TRIM4: variants seen among roughly 807,000 people sequenced by gnomAD.
TRIM4 encodes the protein E3 ubiquitin-protein ligase TRIM4.
TRIM4 carries 29 observed loss-of-function variants against 33.7 expected under a neutral mutation model. The observed-to-expected ratio is 0.86, with a 90% CI of 0.64 to 1.17. The LOEUF (loss-of-function observed/expected upper bound fraction) is 1.17. Ranked by LOEUF, TRIM4 falls within the 50% of genes most tolerant of loss-of-function variation. The pLI, the probability that TRIM4 is intolerant of heterozygous loss-of-function variation, is 0.00. For synonymous variants in TRIM4, 224 were observed against 233.0 expected, an observed-to-expected ratio of 0.96 and a Z score of 0.35; for missense variants, 554 against 593.7, an observed-to-expected ratio of 0.93 and a Z score of 0.69.
At chr7:99,911,771 C>A (rs1158603685) in intron 1 of TRIM4, among the ~76,000 whole-genome samples, 1 of 152,162 alleles carries the variant, frequency 6.6e-6, no homozygotes, top group Non-Finnish European at 1.5e-5. Context: ...TCCTAGGGTA[C>A]AGCAATTCTA....
intron 1 of TRIM4, among the ~76,000 whole-genome samples, chr7:99,912,472 G>T (rs1819467115): frequency 6.6e-6 from 1 of 150,560 alleles, no homozygotes; most frequent in South Asian, 2.1e-4. Context: ...AAAGGTTTCA[G>T]TGAGCCGAGA....
chr7:99,908,227 AAC>A (rs1399003304), intron 3 of TRIM4: 3 of 179,456 alleles, frequency 1.7e-5, no homozygotes, highest in African/African-American at 7.1e-5. Flanking sequence ...AATTGTTGAT[AAC>A]AGTTATGTAC....
rs541632671 is a variant in TRIM4 at position 99,903,708 on chromosome 7, T to G, written c.721-110A>C. 521 of 1,227,700 alleles carry G rather than the reference T, an allele frequency of 4.2e-4. 2 individuals carry two copies. Among genetic ancestry groups the G allele is most frequent in the Non-Finnish European group, 5.6e-4 (470 of 841,324 alleles). 76.1% of individuals were successfully genotyped at this position (1,227,700 alleles called of 1,614,324 possible). A position where few individuals can be genotyped will look rare whatever the true frequency, so the allele number is the denominator to read the frequency against. On this transcript the variant is annotated intron_variant, in intron 3 of 5. Transcript: ENST00000349062. ...CGGTTGCATTTGCTCATGTCACATA[T>G]GATCTCCTGCTGCCAAAGCCAACAG...
intron 5 of TRIM4, among the ~76,000 whole-genome samples, chr7:99,899,130 C>T (rs1270790370): frequency 6.6e-6 from 1 of 152,134 alleles, no homozygotes; most frequent in East Asian, 1.9e-4. Flanking sequence ...GAGAATAACC[C>T]TATGGTCTAA....
At position 99,919,080 on chromosome 7, in the gene TRIM4, C is replaced by T; in HGVS notation, c.322G>A (p.Val108Met). 6.4e-7 allele frequency: 1 copy of T among 1,556,154 alleles called. No individual in the cohort carries two copies. The highest frequency in any genetic ancestry group is 8.7e-7 in the Non-Finnish European group (1 of 1,152,728). ...TGGTGCTCCTGGGACTCCCTGCACA[C>T]CAGGCACACTGGCCGCTGGTCGTCC... ...CEDDQRPVCLVCRESQEHQTH... is the reference protein window; with the variant it reads ...CEDDQRPVCLMCRESQEHQTH... Residue 108 changes from valine to methionine, a missense_variant, in exon 1 of 6, where the codon GTG (valine) becomes ATG (methionine). Val to Met is a conservative substitution (Grantham distance 21). This residue lies in a region of TRIM4 where 233 missense variants were observed against 203.1 expected (regional missense o/e 1.15). Transcript: ENST00000349062.
At chr7:99,915,310 T>C (rs892267323) in intron 1 of TRIM4, among the ~76,000 whole-genome samples, 2 of 152,200 alleles carry the variant, frequency 1.3e-5, no homozygotes, top group Non-Finnish European at 2.9e-5. Flanking sequence ...ACAAAGCCAG[T>C]GCTCAATAAA....
In TRIM4 at chr7:99,903,188, G is replaced by A. The variant is rs1255310972; in HGVS notation, c.841+30C>T. The A allele has an allele frequency of 2.0e-6, 3 of 1,528,618 alleles. No individual in the cohort carries two copies. In the Admixed American group the frequency reaches 5.5e-5, roughly 28 times the overall value. The allele number at this position is 1,528,618 out of a possible 1,614,324, so 94.7% of individuals were successfully genotyped here. On this transcript the variant is annotated intron_variant, in intron 5 of 5. Transcript: ENST00000349062. ...ATTCTCCTATTTGAAAGATTTCTAA[G>A]GAGCCCCAAGTCCTAGAAATTCTGC...
chr7:99,903,700 G>C (rs112509575), intron 3 of TRIM4, 102 bp from the exon 4 acceptor site: 17 of 1,317,566 alleles, frequency 1.3e-5, no homozygotes, highest in African/African-American at 2.9e-5. Context: ...ATTTGCTCAT[G>C]TCACATATGA....
intron 4 of TRIM4, 101 bp from the exon 5 acceptor site, chr7:99,903,416 T>G (rs1563085524): frequency 7.5e-7 from 1 of 1,337,064 alleles, no homozygotes; most frequent in Non-Finnish European, 1.1e-6. Flanking sequence ...TGGCTTCTGT[T>G]CCCATTCCTC....
At chr7:99,904,875 T>C (rs959614082) in intron 3 of TRIM4, among the ~76,000 whole-genome samples, 7 of 151,716 alleles carry the variant, frequency 4.6e-5, no homozygotes, top group African/African-American at 1.7e-4. Flanking sequence ...CTACTAAAAC[T>C]ACAAAAATTA....
chr7:99,903,538 TG>T, intron 4 of TRIM4, 37 bp downstream of exon 4: 1 of 1,613,888 alleles, frequency 6.2e-7, no homozygotes, highest in South Asian at 1.1e-5. Context: ...ATCTTTACCA[TG>T]CCACCCAGGT....
rs754985807 is a variant in TRIM4 at position 99,908,762 on chromosome 7, C to A, written c.540G>T (p.Leu180=). Residue 180 remains leucine (L), a synonymous_variant, in exon 3 of 6, where the codon CTG becomes CTT. Coordinates refer to ENST00000349062, the MANE Select transcript of TRIM4 (RefSeq NM_033091.3). The part of the protein sequence containing the change: ...RMRISTEFSK[L]HNFLVEEEDL... ...CCTCTTCTTCAACCAGGAAGTTGTG[C>A]AGCTTTGAAAACTCCGTGCTGATTC... 2 of 1,614,062 alleles carry A rather than the reference C, an allele frequency of 1.2e-6. No individual in the cohort carries two copies. Among genetic ancestry groups the A allele is most frequent in the South Asian group, 2.2e-5 (2 of 91,092 alleles).
Position 99,916,591 on chromosome 7 carries a change from C to A in TRIM4, c.393+2418G>T, listed in dbSNP as rs1373557004. ...GAACTACCATCCAAGACTCCTCTCT[C>A]TCTCACCCACCAAGTCTAATTGATC... On this transcript the variant is annotated intron_variant, in intron 1 of 5. Coordinates refer to ENST00000349062, the MANE Select transcript of TRIM4 (RefSeq NM_033091.3). 7.1e-6 allele frequency: 5 copies of A among 708,052 alleles called. No homozygotes were observed. In the Admixed American group the frequency reaches 1.0e-4, roughly 14 times the overall value. The allele number at this position is 708,052 out of a possible 1,614,324, so 43.9% of individuals were successfully genotyped here.
intron 5 of TRIM4, among the ~76,000 whole-genome samples, chr7:99,899,621 T>C (rs965011976): frequency 4.6e-5 from 7 of 152,196 alleles, no homozygotes; most frequent in Non-Finnish European, 7.3e-5. Flanking sequence ...TTCACACTAC[T>C]GTCATGGATT....
chr7:99,917,856 G>T (rs1487416389), intron 1 of TRIM4: 1 of 985,318 alleles, frequency 1.0e-6, no homozygotes, highest in East Asian at 1.1e-4. Flanking sequence ...GATGATCAGG[G>T]AAGGTCTTCA....
chr7:99,904,259 T>C (rs569459512), intron 3 of TRIM4, among the ~76,000 whole-genome samples: 1 of 152,182 alleles, frequency 6.6e-6, no homozygotes, highest in Admixed American at 6.5e-5. Flanking sequence ...ATTTAAAAAA[T>C]ACAGCTCCTC....
intron 3 of TRIM4, among the ~76,000 whole-genome samples, chr7:99,904,321 G>A (rs1327589804): frequency 6.6e-6 from 1 of 152,064 alleles, no homozygotes; most frequent in Non-Finnish European, 1.5e-5. Flanking sequence ...AATTCCAATA[G>A]GGGAGCATCC....
At position 99,891,993 on chromosome 7, in the gene TRIM4, G is replaced by A. The variant is rs1818900469; in HGVS notation, c.*170C>T. The A allele has an allele frequency of 1.6e-6, 1 of 617,786 alleles. No homozygotes were observed. Among genetic ancestry groups the A allele is most frequent in the Non-Finnish European group, 2.7e-6 (1 of 368,458 alleles). 38.3% of individuals were successfully genotyped at this position (617,786 alleles called of 1,614,324 possible). On this transcript the variant is annotated 3_prime_UTR_variant, in exon 6 of 6. Transcript: ENST00000349062. ...TCCATTGGCCAGACCCACCTCCCATGGGACTGCCTCTTGTGAAGCACACAA... is the reference window on the plus strand; with the variant it reads ...TCCATTGGCCAGACCCACCTCCCATAGGACTGCCTCTTGTGAAGCACACAA...
intron 1 of TRIM4, among the ~76,000 whole-genome samples, chr7:99,910,636 G>T (rs1365456204): frequency 6.6e-6 from 1 of 152,218 alleles, no homozygotes; most frequent in African/African-American, 2.4e-5. Context: ...GTATACCCAA[G>T]TATTAACATT....
Sources: gnomAD v4.1 joint callset for allele counts (sites outside exome capture counted in the v4.1 genomes callset) on GRCh38, gnomAD v4.1.1 for gene constraint, gnomAD v4.1.1 regional missense constraint, MANE v1.5 for transcripts, NCBI Gene and HGNC (gene_info 2026-07-23, HGNC 2026-07-21) for gene names.